Variants in SYT16 observed in about 807,000 individuals in gnomAD.
The protein encoded by SYT16 is synaptotagmin-16.
A neutral mutation model predicts 61.4 loss-of-function variants in SYT16; 42 were observed. The ratio of observed to expected loss-of-function variants is 0.68; its 90% CI spans 0.53 to 0.89. SYT16 has a LOEUF of 0.89. SYT16 is among the 40% of genes least tolerant of loss of function. The pLI is 0.00. For synonymous variants in SYT16, 314 were observed against 302.3 expected (o/e 1.04, Z -0.40); for missense variants, 804 against 807.3 (o/e 1.00, Z 0.05).
intron 1 of SYT16, among the ~76,000 whole-genome samples, chr14:61,835,977 A>G (rs1474314488): frequency 6.6e-6 from 1 of 152,216 alleles, no homozygotes; most frequent in Non-Finnish European, 1.5e-5. Context: ...TTACTGGACT[A>G]GTAACGTTGC....
At chr14:62,044,928 A>G (rs1485776139) in intron 3 of SYT16, among the ~76,000 whole-genome samples, 1 of 152,206 alleles carries the variant, frequency 6.6e-6, no homozygotes, top group Non-Finnish European at 1.5e-5. Flanking sequence ...TCACGAGGTC[A>G]GGAATTCGAG....
In SYT16 at chr14:62,080,924, G is replaced by A. The variant is rs572576795; in HGVS notation, c.1084G>A (p.Ala362Thr). The A allele has an allele frequency of 3.7e-6, 6 of 1,608,482 alleles. No homozygotes were observed. In the South Asian group the frequency reaches 6.7e-5, roughly 18 times the overall value. The change falls in exon 6 of 8, where the codon GCC becomes ACC. Residue 362 changes from alanine (A) to threonine (T), a missense_variant. Ala to Thr is a moderately conservative substitution (Grantham distance 58). Coordinates refer to ENST00000683842, the MANE Select transcript of SYT16 (RefSeq NM_001367656.1). ...GDLDVIFEYRAASQKLTVTIV... is the reference protein window; with the variant it reads ...GDLDVIFEYRTASQKLTVTIV... Reference sequence around the variant, plus strand: ...CCTAGATGTCATCTTTGAATATAGAGCCGCCAGCCAGAAGCTCACAGTGAC... The same window carrying A: ...CCTAGATGTCATCTTTGAATATAGAACCGCCAGCCAGAAGCTCACAGTGAC...
chr14:62,065,224 A>T (rs2056010848), intron 3 of SYT16, among the ~76,000 whole-genome samples: 1 of 152,176 alleles, frequency 6.6e-6, no homozygotes, highest in South Asian at 2.1e-4. Flanking sequence ...ATGAAATCTG[A>T]TGATATGCAG....
chr14:61,964,264 A>C (rs1305658914), intron 1 of SYT16, among the ~76,000 whole-genome samples: 1 of 152,162 alleles, frequency 6.6e-6, no homozygotes, highest in Admixed American at 6.5e-5. Flanking sequence ...AACATTTGGA[A>C]AGGTTCACCA....
rs954036635 is a variant in SYT16, at chr14:62,035,940, G to A, written c.524-33663G>A. Among the ~76,000 whole-genome samples the A allele has an allele frequency of 9.2e-5, 14 of 152,142 alleles. No individual in the cohort carries two copies. In the East Asian group the frequency reaches 2.5e-3, roughly 27 times the overall value. The stretch of plus-strand genomic sequence containing the variant: ...TGCCTTCATTCAATAAATATTTATC[G>A]AGCAGCTGCTGTTGGGCTGACACTG... On this transcript the variant is annotated intron_variant, in intron 3 of 7. Coordinates refer to ENST00000683842, the MANE Select transcript of SYT16 (RefSeq NM_001367656.1).
At chr14:61,879,451 AC>A (rs1186020946) in intron 1 of SYT16, among the ~76,000 whole-genome samples, 2 of 152,080 alleles carry the variant, frequency 1.3e-5, no homozygotes, top group African/African-American at 4.8e-5. Flanking sequence ...CAAGCAATTC[AC>A]CTCTCTGGAC....
chr14:62,010,462 T>C (rs1013863740), intron 3 of SYT16, among the ~76,000 whole-genome samples: 2 of 152,140 alleles, frequency 1.3e-5, no homozygotes, highest in African/African-American at 4.8e-5. Context: ...ATTCTGGGTA[T>C]AGGGAAAAAT....
intron 1 of SYT16, among the ~76,000 whole-genome samples, chr14:61,888,462 A>G (rs217685): frequency 0.9 from 137,703 of 152,254 alleles, 62,387 homozygotes; most frequent in South Asian, 0.96. Flanking sequence ...GGAATAACTA[A>G]GTCCAAGAAA....
chr14:62,037,220 A>G (rs2054545863), intron 3 of SYT16, among the ~76,000 whole-genome samples: 1 of 151,852 alleles, frequency 6.6e-6, no homozygotes, highest in Non-Finnish European at 1.5e-5. Context: ...TGGCTTAGTT[A>G]TGGCAGGATT....
chr14:62,085,778 C>T (rs1162395738), intron 7 of SYT16, among the ~76,000 whole-genome samples: 2 of 152,190 alleles, frequency 1.3e-5, no homozygotes, highest in African/African-American at 4.8e-5. Context: ...CACTCAGAGC[C>T]ACATGAGGGC....
intron 3 of SYT16, among the ~76,000 whole-genome samples, chr14:62,036,205 A>C (rs2054499498): frequency 6.6e-6 from 1 of 152,162 alleles, no homozygotes; most frequent in Non-Finnish European, 1.5e-5. Flanking sequence ...TGAAGCTTAG[A>C]GCATTTTGAA....
chr14:61,921,663 G>A (rs2049339772), intron 1 of SYT16, among the ~76,000 whole-genome samples: 1 of 152,214 alleles, frequency 6.6e-6, no homozygotes, highest in Non-Finnish European at 1.5e-5. Flanking sequence ...GGGCTCAGGA[G>A]CCACAGAAGA....
chr14:62,021,185 G>C (rs999827044), intron 3 of SYT16, among the ~76,000 whole-genome samples: 3 of 152,106 alleles, frequency 2.0e-5, no homozygotes, highest in African/African-American at 7.2e-5. Context: ...TGCTTTTACG[G>C]TCACAATCAC....
rs958678320 is a variant in SYT16, at chr14:62,103,710, G to C, written c.*3003G>C. ...CTGTTTTTGCTGATGCTGCATAACT[G>C]TTGGAGGTGGGGGTGTCTTGCCTTC... On this transcript the variant is annotated 3_prime_UTR_variant, in exon 8 of 8. Transcript: ENST00000683842. 2 of 152,164 alleles carry C rather than the reference G, an allele frequency of 1.3e-5. No homozygotes were observed. The highest frequency in any genetic ancestry group is 4.8e-5 in the African/African-American group (2 of 41,438). 9.4% of individuals were successfully genotyped at this position (152,164 alleles called of 1,614,324 possible).
rs2057535094 is a variant in SYT16 at position 62,107,535 on chromosome 14, T to A, written c.*6828T>A. The A allele has an allele frequency of 6.6e-6, 1 of 152,138 alleles. No individual in the cohort carries two copies. Among genetic ancestry groups the A allele is most frequent in the African/African-American group, 2.4e-5 (1 of 41,420 alleles). 9.4% of individuals were successfully genotyped at this position (152,138 alleles called of 1,614,324 possible). A position where few individuals can be genotyped will look rare whatever the true frequency, so the allele number is the denominator to read the frequency against. On this transcript the variant is annotated 3_prime_UTR_variant, in exon 8 of 8. Transcript: ENST00000683842. ...TAAAATAGTTTAAGTTCAACAATAT[T>A]TTTTTGTTGTTTCTAAATATTCTTT...
At chr14:61,999,585 C>T (rs936011033) in intron 3 of SYT16, among the ~76,000 whole-genome samples, 3 of 151,336 alleles carry the variant, frequency 2.0e-5, no homozygotes, top group African/African-American at 7.3e-5. Flanking sequence ...ATTAATTTAT[C>T]ACTATTGTTT....
chr14:61,873,788 C>T (rs1180582155), intron 1 of SYT16, among the ~76,000 whole-genome samples: 1 of 152,120 alleles, frequency 6.6e-6, no homozygotes, highest in Non-Finnish European at 1.5e-5. Context: ...GTTATGATAG[C>T]CAAAAGTAGG....
intron 1 of SYT16, among the ~76,000 whole-genome samples, chr14:61,951,244 C>G (rs1024961120): frequency 3.9e-5 from 6 of 152,142 alleles, no homozygotes; most frequent in Admixed American, 3.9e-4. Context: ...TTGAATGGGT[C>G]TTTCAGTATT....
Position 61,975,865 on chromosome 14 carries a change from A to G in SYT16, c.-145+5554A>G, listed in dbSNP as rs182062967. ...ATTTCAAACCAATAATGCCTTCCCA[A>G]CAGTCCCCCAAAGTCTTAATTCATT... is the stretch of plus-strand genomic sequence containing the variant. On this transcript the variant is annotated intron_variant, in intron 2 of 7. Transcript: ENST00000683842. 2.7e-3 allele frequency among the ~76,000 whole-genome samples: 411 copies of G among 152,290 alleles called. 1 individual carries two copies. The highest frequency in any genetic ancestry group is 4.0e-3 in the Non-Finnish European group (274 of 68,020).
Sources: gnomAD v4.1 joint callset for allele counts (sites outside exome capture counted in the v4.1 genomes callset) on GRCh38, gnomAD v4.1.1 for gene constraint, MANE v1.5 for transcripts, NCBI Gene and HGNC (gene_info 2026-07-23, HGNC 2026-07-21) for gene names.